NKAIN2: variants seen among roughly 807,000 people sequenced by gnomAD.
The protein encoded by NKAIN2 is sodium/potassium-transporting ATPase subunit beta-1-interacting protein 2.
Under a neutral mutation model 32.6 loss-of-function variants are expected in NKAIN2, and 14 were observed. The ratio of observed to expected loss-of-function variants is 0.43; its 90% CI spans 0.28 to 0.67. The LOEUF is 0.67. NKAIN2 is among the 30% of genes least tolerant of loss of function. The pLI is 0.17. For missense variants in NKAIN2, 198 were observed against 258.3 expected, an observed-to-expected ratio of 0.77 and a Z score of 1.60; for synonymous variants, 80 against 87.2, an observed-to-expected ratio of 0.92 and a Z score of 0.46.
intron 3 of NKAIN2, among the ~76,000 whole-genome samples, chr6:124,524,292 G>A (rs1483552775): frequency 6.6e-6 from 1 of 152,098 alleles, no homozygotes; most frequent in Non-Finnish European, 1.5e-5. Flanking sequence ...AATAAAAATA[G>A]TCCTTTCCTC....
At chr6:124,189,278 C>G (rs1239591775) in intron 1 of NKAIN2, among the ~76,000 whole-genome samples, 1 of 152,054 alleles carries the variant, frequency 6.6e-6, no homozygotes, top group South Asian at 2.1e-4. Flanking sequence ...GAGCTCTTAA[C>G]CAGCACAATT....
At chr6:124,330,348 C>T (rs1485929416) in intron 2 of NKAIN2, among the ~76,000 whole-genome samples, 1 of 152,044 alleles carries the variant, frequency 6.6e-6, no homozygotes, top group Non-Finnish European at 1.5e-5. Context: ...AGTGTGTTTC[C>T]AGGAACAATT....
At chr6:124,626,403 G>A (rs187872087) in intron 3 of NKAIN2, among the ~76,000 whole-genome samples, 28 of 151,158 alleles carry the variant, frequency 1.9e-4, no homozygotes, top group Admixed American at 5.3e-4. Context: ...TGATATAATC[G>A]TAACAAGAAG....
At chr6:124,020,712 G>A (rs1418618287) in intron 1 of NKAIN2, among the ~76,000 whole-genome samples, 1 of 151,978 alleles carries the variant, frequency 6.6e-6, no homozygotes, top group African/African-American at 2.4e-5. Flanking sequence ...CCTTTCTTAA[G>A]GAAGCTGATA....
intron 3 of NKAIN2, among the ~76,000 whole-genome samples, chr6:124,486,695 A>G (rs1777665509): frequency 6.6e-6 from 1 of 152,106 alleles, no homozygotes; most frequent in South Asian, 2.1e-4. Flanking sequence ...ACAGAATGCT[A>G]AAAAGGAAAG....
At position 123,895,192 on chromosome 6, in the gene NKAIN2, C is replaced by T. The variant is rs1277650748; in HGVS notation, c.54+90938C>T. ...TCTTTCTGTCTCTCTCTGTCTCTCT[C>T]ACACAGACACACACACACACACACA... On this transcript the variant is annotated intron_variant, in intron 1 of 6. Coordinates refer to ENST00000368417, the MANE Select transcript of NKAIN2 (RefSeq NM_001040214.3). Among the ~76,000 whole-genome samples the T allele has an allele frequency of 4.6e-5, 7 of 151,814 alleles. No homozygotes were observed. In the East Asian group the frequency reaches 1.2e-3, roughly 25 times the overall value.
intron 4 of NKAIN2, among the ~76,000 whole-genome samples, chr6:124,778,176 A>C (rs1013313418): frequency 1.3e-5 from 2 of 152,200 alleles, no homozygotes. Flanking sequence ...TGCTGTGGTA[A>C]TAACAAGCTC....
At chr6:124,304,641 C>G (rs545759708) in intron 2 of NKAIN2, among the ~76,000 whole-genome samples, 1 of 152,116 alleles carries the variant, frequency 6.6e-6, no homozygotes, top group African/African-American at 2.4e-5. Flanking sequence ...ATTGGCCAGG[C>G]GTGGTGGCTC....
intron 1 of NKAIN2, among the ~76,000 whole-genome samples, chr6:124,126,512 T>A (rs1786172764): frequency 6.6e-6 from 1 of 152,184 alleles, no homozygotes; most frequent in South Asian, 2.1e-4. Flanking sequence ...TATCTACTAT[T>A]GATGAATTGT....
intron 3 of NKAIN2, among the ~76,000 whole-genome samples, chr6:124,408,703 C>T (rs1050879626): frequency 6.8e-6 from 1 of 147,712 alleles, no homozygotes; most frequent in African/African-American, 2.4e-5. Context: ...TCCATATGAA[C>T]TTTAAAGTAG....
intron 1 of NKAIN2, among the ~76,000 whole-genome samples, chr6:123,831,893 A>T (rs1428873571): frequency 6.6e-6 from 1 of 151,974 alleles, no homozygotes; most frequent in Non-Finnish European, 1.5e-5. Flanking sequence ...TGACCTCGTG[A>T]TCCGCCCGCC....
At chr6:123,977,891 T>A (rs898273933) in intron 1 of NKAIN2, among the ~76,000 whole-genome samples, 7 of 152,144 alleles carry the variant, frequency 4.6e-5, no homozygotes, top group Non-Finnish European at 7.3e-5. Flanking sequence ...ACCCTCAAAT[T>A]TTACAGATGG....
At chr6:123,924,980 G>A (rs530703222) in intron 1 of NKAIN2, among the ~76,000 whole-genome samples, 14 of 152,020 alleles carry the variant, frequency 9.2e-5, no homozygotes, top group African/African-American at 3.4e-4. Flanking sequence ...ATTATTTTGT[G>A]TATTTTATAA....
At position 124,606,917 on chromosome 6, in the gene NKAIN2, G is replaced by T. The variant is rs1197479182; in HGVS notation, c.274-51269G>T. On this transcript the variant is annotated intron_variant, in intron 3 of 6. Coordinates refer to ENST00000368417, the MANE Select transcript of NKAIN2 (RefSeq NM_001040214.3). ...ACCACAATTAAACAGAACAACAGTT[G>T]GTTCACATAAATAGGAGATTAATAA... Among the ~76,000 whole-genome samples the T allele has an allele frequency of 2.6e-5, 4 of 152,040 alleles. No homozygotes were observed. In the East Asian group the frequency reaches 7.7e-4, roughly 29 times the overall value.
At chr6:123,963,880 C>T (rs769912298) in intron 1 of NKAIN2, among the ~76,000 whole-genome samples, 2 of 152,116 alleles carry the variant, frequency 1.3e-5, no homozygotes, top group Non-Finnish European at 2.9e-5. Flanking sequence ...TGTGTGGTCG[C>T]TACAATTTAT....
intron 1 of NKAIN2, among the ~76,000 whole-genome samples, chr6:124,168,552 T>TTGTGTG (rs58658301): frequency 9.5e-4 from 143 of 149,756 alleles, no homozygotes; most frequent in African/African-American, 3.4e-3. Flanking sequence ...CCTGTTAATT[T>TTGTGTG]TGTGTGTGTG....
chr6:124,290,556 C>T (rs1004543720), intron 2 of NKAIN2, among the ~76,000 whole-genome samples: 1 of 108,194 alleles, frequency 9.2e-6, no homozygotes, highest in Non-Finnish European at 1.9e-5. Flanking sequence ...GTGTGTGCGT[C>T]TGTGTTGCTA....
chr6:124,022,688 C>T (rs558239852), intron 1 of NKAIN2, among the ~76,000 whole-genome samples: 3 of 152,306 alleles, frequency 2.0e-5, no homozygotes, highest in African/African-American at 7.2e-5. Flanking sequence ...CAAATTCAGT[C>T]AGCTCAAGAT....
At chr6:124,633,267 A>G (rs1292784890) in intron 3 of NKAIN2, among the ~76,000 whole-genome samples, 1 of 152,176 alleles carries the variant, frequency 6.6e-6, no homozygotes, top group Admixed American at 6.5e-5. Context: ...AAATAAGAAT[A>G]ATAATCTCTA....
Sources: gnomAD v4.1 joint callset for allele counts (sites outside exome capture counted in the v4.1 genomes callset) on GRCh38, gnomAD v4.1.1 for gene constraint, MANE v1.5 for transcripts, NCBI Gene and HGNC (gene_info 2026-07-23, HGNC 2026-07-21) for gene names.